The following TNNI3K variants were observed in gnomAD, a reference collection of about 807,000 sequenced individuals.
TNNI3K encodes serine/threonine-protein kinase TNNI3K.
Under a neutral mutation model 114.5 loss-of-function variants are expected in TNNI3K, and 140 were observed. The ratio of observed to expected loss-of-function variants is 1.22; its 90% CI spans 1.07 to 1.41. The LOEUF (loss-of-function observed/expected upper bound fraction) is 1.41. TNNI3K is among the 40% of genes most tolerant of loss of function. The probability of loss-of-function intolerance (pLI) is 0.00; values close to 1 mark genes in which losing one functional copy is unlikely to be tolerated. For missense variants in TNNI3K, 1,125 were observed against 1,007.6 expected, an observed-to-expected ratio of 1.12 and a Z score of -1.58; for synonymous variants, 347 against 347.5, an observed-to-expected ratio of 1.00 and a Z score of 0.02.
intron 4 of TNNI3K, among the ~76,000 whole-genome samples, chr1:74,269,426 G>T (rs369391038): frequency 2.6e-5 from 4 of 151,964 alleles, no homozygotes; most frequent in South Asian, 4.1e-4. Context: ...ATTGAAAAGA[G>T]AAATGCATAA....
chr1:74,508,624 G>A (rs964778711), intron 23 of TNNI3K, among the ~76,000 whole-genome samples: 4 of 152,152 alleles, frequency 2.6e-5, no homozygotes, highest in East Asian at 1.9e-4. Context: ...CTGCCAGAGC[G>A]GTAGCATGGG....
intron 11 of TNNI3K, among the ~76,000 whole-genome samples, chr1:74,357,814 T>C (rs1031199889): frequency 3.9e-5 from 6 of 152,230 alleles, no homozygotes; most frequent in African/African-American, 1.4e-4. Flanking sequence ...AATCTGAAAG[T>C]GTAGCGATCG....
intron 5 of TNNI3K, among the ~76,000 whole-genome samples, chr1:74,299,278 C>A (rs1045248645): frequency 5.9e-5 from 9 of 152,178 alleles, no homozygotes; most frequent in African/African-American, 2.2e-4. Context: ...TGTGACAGAA[C>A]ATTGAAGTTT....
At chr1:74,462,620 AAGG>A (rs1667498373) in intron 20 of TNNI3K, among the ~76,000 whole-genome samples, 1 of 152,228 alleles carries the variant, frequency 6.6e-6, no homozygotes, top group African/African-American at 2.4e-5. Flanking sequence ...AGGAGGATTA[AAGG>A]AGTTTATGTA....
chr1:74,457,099 C>T (rs1291491823), intron 20 of TNNI3K, among the ~76,000 whole-genome samples: 2 of 152,006 alleles, frequency 1.3e-5, no homozygotes, highest in Non-Finnish European at 2.9e-5. Flanking sequence ...CTTTGACAAG[C>T]GGCAGGAAAA....
At chr1:74,268,818 T>C (rs995290530) in intron 4 of TNNI3K, among the ~76,000 whole-genome samples, 7 of 151,790 alleles carry the variant, frequency 4.6e-5, no homozygotes, top group Non-Finnish European at 7.4e-5. Context: ...AACATTTTAC[T>C]TCTGCCTCAA....
Position 74,479,659 on chromosome 1 carries a change from T to C in TNNI3K, c.2122-9530T>C, listed in dbSNP as rs577015775. Among the ~76,000 whole-genome samples the C allele has an allele frequency of 1.3e-4, 20 of 152,314 alleles. 1 individual carries two copies. In the South Asian group the frequency reaches 4.1e-3, roughly 32 times the overall value. On this transcript the variant is annotated intron_variant, in intron 21 of 24. Coordinates refer to ENST00000326637, the MANE Select transcript of TNNI3K (RefSeq NM_015978.3). ...TATATGAGATTGCCATAATAGCATC[T>C]CTTCGTCCATCTGTGAAAGCCCTCT...
intron 5 of TNNI3K, among the ~76,000 whole-genome samples, chr1:74,328,268 A>T (rs1238331215): frequency 6.6e-6 from 1 of 152,146 alleles, no homozygotes; most frequent in Non-Finnish European, 1.5e-5. Flanking sequence ...GTGACTTCAC[A>T]AGAGTTTCAT....
intron 2 of TNNI3K, among the ~76,000 whole-genome samples, chr1:74,241,359 A>T (rs1654194025): frequency 6.6e-6 from 1 of 152,212 alleles, no homozygotes; most frequent in Non-Finnish European, 1.5e-5. Context: ...CATCACACTG[A>T]CTTCCACAAT....
intron 23 of TNNI3K, among the ~76,000 whole-genome samples, chr1:74,505,084 CCT>C (rs1341557132): frequency 2.0e-5 from 3 of 151,914 alleles, no homozygotes; most frequent in African/African-American, 7.3e-5. Flanking sequence ...GAAGAGAAAC[CCT>C]CTCCATTCAT....
intron 12 of TNNI3K, 146 bp downstream of exon 12, chr1:74,367,488 G>T (rs1247829107): frequency 1.1e-5 from 9 of 828,190 alleles, no homozygotes; most frequent in Non-Finnish European, 1.6e-5. Context: ...GTAACCTTAT[G>T]TCTGGGAGAG....
At chr1:74,379,995 T>G (rs575929204) in intron 17 of TNNI3K, among the ~76,000 whole-genome samples, 1 of 152,254 alleles carries the variant, frequency 6.6e-6, no homozygotes, top group Admixed American at 6.5e-5. Context: ...GTAAATTCCC[T>G]TAGACACACT....
intron 21 of TNNI3K, among the ~76,000 whole-genome samples, chr1:74,475,976 T>C (rs1278626504): frequency 1.3e-5 from 2 of 152,204 alleles, no homozygotes; most frequent in African/African-American, 4.8e-5. Context: ...GAGGCTACCA[T>C]TGACATTGTT....
At chr1:74,361,615 A>C (rs887819342) in intron 11 of TNNI3K, among the ~76,000 whole-genome samples, 3 of 152,106 alleles carry the variant, frequency 2.0e-5, no homozygotes, top group African/African-American at 7.2e-5. Flanking sequence ...ACTTGAAGAC[A>C]CAGGCTGCAA....
intron 21 of TNNI3K, chr1:74,464,999 C>T: frequency 8.5e-7 from 1 of 1,174,446 alleles, no homozygotes; most frequent in East Asian, 4.1e-5. Context: ...AATTACATCA[C>T]ATAAAATAGT....
intron 4 of TNNI3K, among the ~76,000 whole-genome samples, chr1:74,255,136 C>T (rs991588786): frequency 1.8e-4 from 27 of 152,118 alleles, no homozygotes; most frequent in African/African-American, 6.3e-4. Context: ...GGGCGGATCA[C>T]GAGGTCAGGA....
intron 20 of TNNI3K, among the ~76,000 whole-genome samples, chr1:74,450,892 A>G (rs899753806): frequency 2.6e-5 from 4 of 152,334 alleles, no homozygotes; most frequent in African/African-American, 9.6e-5. Context: ...TAATCGCATT[A>G]CTGGGTATAT....
chr1:74,390,056 T>G (rs1009029398), intron 17 of TNNI3K, among the ~76,000 whole-genome samples: 3 of 152,122 alleles, frequency 2.0e-5, no homozygotes, highest in Non-Finnish European at 4.4e-5. Flanking sequence ...TGAATAGCAC[T>G]GGCAGAGCAA....
Position 74,354,256 on chromosome 1 carries a change from G to A in TNNI3K, c.1177+127G>A, listed in dbSNP as rs1661542516. On this transcript the variant is annotated intron_variant, in intron 11 of 24. Coordinates refer to ENST00000326637, the MANE Select transcript of TNNI3K (RefSeq NM_015978.3). ...CTCATTTCTTCTGTAGATTTTACTTGAGTTTCTGGGGCCTTGGATCAAAGA... is the reference window on the plus strand; with the variant it reads ...CTCATTTCTTCTGTAGATTTTACTTAAGTTTCTGGGGCCTTGGATCAAAGA... 31 of 1,456,764 alleles carry A rather than the reference G, an allele frequency of 2.1e-5. No individual in the cohort carries two copies. The South Asian group carries it at 4.1e-4, about 19-fold the overall frequency. 90.2% of individuals were successfully genotyped at this position (1,456,764 alleles called of 1,614,324 possible). A position where few individuals can be genotyped will look rare whatever the true frequency, so the allele number is the denominator to read the frequency against.
Sources: allele counts gnomAD v4.1 joint callset (sites outside exome capture counted in the v4.1 genomes callset), GRCh38; gene constraint gnomAD v4.1.1; transcripts MANE v1.5; gene names NCBI Gene and HGNC (gene_info 2026-07-23, HGNC 2026-07-21).